The following ZNF616 variants were observed in gnomAD, a reference collection of about 807,000 sequenced individuals.
The protein encoded by ZNF616 is zinc finger protein 616.
In ZNF616, 5 loss-of-function variants were observed where a neutral mutation model predicts 7.6. That is an observed-to-expected ratio of 0.66 (90% CI 0.34 to 1.38). The LOEUF (loss-of-function observed/expected upper bound fraction) is 1.38. Ranked by LOEUF, ZNF616 falls within the 40% of genes most tolerant of loss-of-function variation. ZNF616 has a pLI of 0.04. For missense variants in ZNF616, 913 were observed against 948.3 expected (o/e 0.96, Z 0.49); for synonymous variants, 319 against 317.2 (o/e 1.01, Z -0.06).
intron 1 of ZNF616, among the ~76,000 whole-genome samples, chr19:52,131,378 G>T (rs1485648066): frequency 6.6e-6 from 1 of 151,610 alleles, no homozygotes; most frequent in Non-Finnish European, 1.5e-5. Flanking sequence ...TGAACCATGT[G>T]TTACAAATGC....
chr19:52,117,152 T>C, intron 3 of ZNF616, 128 bp from the exon 4 acceptor site: 3 of 710,330 alleles, frequency 4.2e-6, no homozygotes, highest in Non-Finnish European at 4.2e-6. Flanking sequence ...TTCTCCACCA[T>C]GATCTTTTAT....
At position 52,139,608 on chromosome 19, in the gene ZNF616, T is replaced by C. The variant is rs1306931932; in HGVS notation, c.-77+124A>G. ...GGGCCGAAGCAGGGGTCAATGAGAGTTTTAAGCAGGAACACGACCTGAATG... is the reference window on the plus strand; with the variant it reads ...GGGCCGAAGCAGGGGTCAATGAGAGCTTTAAGCAGGAACACGACCTGAATG... On this transcript the variant is annotated intron_variant, in intron 1 of 3. Coordinates refer to ENST00000600228, the MANE Select transcript of ZNF616 (RefSeq NM_178523.5). The surrounding 1 kb of genome is among the most constrained non-coding windows in gnomAD (Gnocchi z 4.1). 1 of 150,342 alleles carries C rather than the reference T, an allele frequency of 6.7e-6. No individual in the cohort carries two copies. Among genetic ancestry groups the C allele is most frequent in the Admixed American group, 6.6e-5 (1 of 15,108 alleles). 9.3% of individuals were successfully genotyped at this position (150,342 alleles called of 1,614,324 possible).
chr19:52,115,067 C>A lies in ZNF616; in HGVS notation c.2097G>T (p.Arg699Ser), dbSNP rs2088805893. 6.2e-7 allele frequency: 1 copy of A among 1,613,882 alleles called. No individual in the cohort carries two copies. Among genetic ancestry groups the A allele is most frequent in the Non-Finnish European group, 8.5e-7 (1 of 1,179,988 alleles). The change falls in exon 4 of 4, where the codon AGG (arginine) becomes AGT (serine). Residue 699 changes from arginine (R) to serine (S), a missense_variant. Arg to Ser is a moderately radical substitution (Grantham distance 110). Coordinates refer to ENST00000600228, the MANE Select transcript of ZNF616 (RefSeq NM_178523.5). Reference sequence around the variant, plus strand: ...GGTGACTTACAAGATGTGAACTATGCCTGAATACCTTGCCACATTCATCAC... The same window carrying A: ...GGTGACTTACAAGATGTGAACTATGACTGAATACCTTGCCACATTCATCAC... ...YKCDECGKVF[R>S]HSSHLVSHQR... is the part of the protein sequence containing the mutation.
At position 52,130,565 on chromosome 19, in the gene ZNF616, A is replaced by G; in HGVS notation, c.-53T>C. The G allele has an allele frequency of 1.3e-6, 2 of 1,586,076 alleles. No homozygotes were observed. The highest frequency in any genetic ancestry group is 1.2e-5 in the South Asian group (1 of 86,776). ...CCTCTTCTGGGTTTCTTTCTCAGTC[A>G]ATGTAATTATTCACACATCAAACCT... On this transcript the variant is annotated 5_prime_UTR_variant, in exon 2 of 4. Transcript: ENST00000600228.
chr19:52,120,624 A>G (rs2088858081), intron 3 of ZNF616, among the ~76,000 whole-genome samples: 1 of 152,222 alleles, frequency 6.6e-6, no homozygotes, highest in Non-Finnish European at 1.5e-5. Flanking sequence ...GTGAAAAAAG[A>G]TATCCCTTAT....
At chr19:52,122,553 T>C (rs561514276) in intron 3 of ZNF616, 2 of 151,756 alleles carry the variant, frequency 1.3e-5, no homozygotes, top group Admixed American at 6.6e-5. Flanking sequence ...ATTTCTACAA[T>C]GAAGATAGTA....
chr19:52,130,360 G>A, intron 2 of ZNF616, 141 bp downstream of exon 2: 1 of 884,816 alleles, frequency 1.1e-6, no homozygotes, highest in Middle Eastern at 2.1e-4. Context: ...GAAAAGCATG[G>A]ATGAGCATGA....
rs1236031520 is a variant in ZNF616 at position 52,116,253 on chromosome 19, T to A, written c.911A>T (p.Lys304Ile). Residue 304 changes from lysine to isoleucine, a missense_variant, in exon 4 of 4, where the codon AAA becomes ATA. Physicochemically the swap from Lys to Ile is moderately radical, Grantham distance 102 (BLOSUM62 -3). Transcript: ENST00000600228. ...EKPYKCNLCG[K>I]SFSQRVHLRL... Reference sequence around the variant, plus strand: ...AAGATGGACACGCTGACTAAAGGATTTCCCACACAGATTACATTTGTAAGG... The same window carrying A: ...AAGATGGACACGCTGACTAAAGGATATCCCACACAGATTACATTTGTAAGG... 1 of 1,614,160 alleles carries A rather than the reference T, an allele frequency of 6.2e-7. No individual in the cohort carries two copies. Among genetic ancestry groups the A allele is most frequent in the South Asian group, 1.1e-5 (1 of 91,080 alleles).
chr19:52,124,669 TCAAA>T (rs1568560622), intron 2 of ZNF616, among the ~76,000 whole-genome samples: 2 of 152,160 alleles, frequency 1.3e-5, no homozygotes, highest in African/African-American at 4.8e-5. Flanking sequence ...ATCAAAACAA[TCAAA>T]CAGTTACATT....
chr19:52,137,156 C>T (rs1436978002), intron 1 of ZNF616, among the ~76,000 whole-genome samples: 1 of 151,462 alleles, frequency 6.6e-6, no homozygotes, highest in African/African-American at 2.4e-5. Flanking sequence ...CAGTGGCTCA[C>T]GCCTGTAATC....
Position 52,115,963 on chromosome 19 carries a change from G to A in ZNF616, c.1201C>T (p.Arg401Ter), listed in dbSNP as rs765345694. 4.3e-5 allele frequency: 69 copies of A among 1,606,774 alleles called. No homozygotes were observed. Among genetic ancestry groups the A allele is most frequent in the Middle Eastern group, 3.3e-4 (2 of 6,002 alleles). Residue 401 changes from arginine to a stop codon, truncating the protein, a stop_gained, in exon 4 of 4, where the codon CGA (arginine) becomes TGA (stop). Transcript: ENST00000600228. LOFTEE classifies it low-confidence loss of function (END_TRUNC). ...SKRSSLAVHR[R>*]IHTVEKPCKC... ...CAAGGTTTCTCTACAGTGTGAATTC[G>A]TCGATGCACTGCAAGACTTGAACGT...
chr19:52,121,608 C>T (rs1418193384), intron 3 of ZNF616, among the ~76,000 whole-genome samples: 1 of 152,098 alleles, frequency 6.6e-6, no homozygotes, highest in African/African-American at 2.4e-5. Flanking sequence ...CCCAGAAATA[C>T]AGCCACAGAT....
chr19:52,135,175 C>T (rs1028934910), intron 1 of ZNF616, among the ~76,000 whole-genome samples: 1 of 152,090 alleles, frequency 6.6e-6, no homozygotes, highest in African/African-American at 2.4e-5. Context: ...TACAAACTTC[C>T]TTGGGGTCCA....
In ZNF616 at chr19:52,115,054, G is replaced by C. The variant is rs2088805673; in HGVS notation, c.2110C>G (p.Leu704Val). 1 of 1,614,010 alleles carries C rather than the reference G, an allele frequency of 6.2e-7. No individual in the cohort carries two copies. The highest frequency in any genetic ancestry group is 1.3e-5 in the African/African-American group (1 of 74,900). Residue 704 changes from leucine to valine, a missense_variant, in exon 4 of 4, where the codon CTT (leucine) becomes GTT (valine). By Grantham distance (32) the Leu-to-Val change is conservative. Coordinates refer to ENST00000600228, the MANE Select transcript of ZNF616 (RefSeq NM_178523.5). ...GTGTGGATTCTCTGGTGACTTACAA[G>C]ATGTGAACTATGCCTGAATACCTTG... ...CGKVFRHSSHLVSHQRIHTGE... is the reference protein window; with the variant it reads ...CGKVFRHSSHVVSHQRIHTGE...
At position 52,114,644 on chromosome 19, in the gene ZNF616, G is replaced by T; in HGVS notation, c.*174C>A. ...GCCAGGACAGCACCAAGGGGATGAC[G>T]CTACATCTTTCTCAGTTTGAGAAAT... On this transcript the variant is annotated 3_prime_UTR_variant, in exon 4 of 4. Transcript: ENST00000600228. 1 of 739,174 alleles carries T rather than the reference G, an allele frequency of 1.4e-6. No homozygotes were observed. The highest frequency in any genetic ancestry group is 2.1e-6 in the Non-Finnish European group (1 of 473,164). The allele number at this position is 739,174 out of a possible 1,614,324, so 45.8% of individuals were successfully genotyped here.
In ZNF616 at chr19:52,113,495, C is replaced by A. The variant is rs1207280836; in HGVS notation, c.*1323G>T. 1 of 152,156 alleles carries A rather than the reference C, an allele frequency of 6.6e-6. No individual in the cohort carries two copies. Among genetic ancestry groups the A allele is most frequent in the African/African-American group, 2.4e-5 (1 of 41,434 alleles). The allele number at this position is 152,156 out of a possible 1,614,324, so 9.4% of individuals were successfully genotyped here. ...GTTCTGGGTACATGTGCACAATTTG[C>A]AAATTTGTTACATAGGAAAATGTGT... is the stretch of plus-strand genomic sequence containing the variant. On this transcript the variant is annotated 3_prime_UTR_variant, in exon 4 of 4. Coordinates refer to ENST00000600228, the MANE Select transcript of ZNF616 (RefSeq NM_178523.5).
chr19:52,130,650 A>G (rs1313218284), intron 1 of ZNF616, 62 bp from the exon 2 acceptor site: 1 of 1,270,708 alleles, frequency 7.9e-7, no homozygotes. Context: ...CTGTGTCACA[A>G]CCATGCACAC....
chr19:52,132,812 T>C (rs1177291321), intron 1 of ZNF616, among the ~76,000 whole-genome samples: 1 of 152,182 alleles, frequency 6.6e-6, no homozygotes, highest in Non-Finnish European at 1.5e-5. Flanking sequence ...GTTGTAGCAA[T>C]TCCAGAATGG....
At chr19:52,117,929 G>A (rs977301712) in intron 3 of ZNF616, among the ~76,000 whole-genome samples, 6 of 151,896 alleles carry the variant, frequency 4.0e-5, no homozygotes, top group African/African-American at 1.5e-4. Flanking sequence ...ACAATCAATA[G>A]AGCAACTCCC....
Sources: gnomAD v4.1 joint callset for allele counts (sites outside exome capture counted in the v4.1 genomes callset) on GRCh38, gnomAD v4.1.1 for gene constraint, Gnocchi (gnomAD v3.1) non-coding constraint, MANE v1.5 for transcripts, NCBI Gene and HGNC (gene_info 2026-07-23, HGNC 2026-07-21) for gene names.